The following MBIP variants were observed in gnomAD, a reference collection of about 807,000 sequenced individuals.
MBIP encodes MAP3K12 binding inhibitory protein 1.
A neutral mutation model predicts 45.7 loss-of-function variants in MBIP; 32 were observed. That is an observed-to-expected ratio of 0.70 (90% CI 0.53 to 0.94). The LOEUF (loss-of-function observed/expected upper bound fraction) is 0.94, where lower values mean the gene tolerates loss of function less well. Among genes scored for constraint, MBIP ranks in the 40% least tolerant of loss-of-function variants. The pLI, the probability that MBIP is intolerant of heterozygous loss-of-function variation, is 0.00. For missense variants in MBIP, 381 were observed against 405.5 expected (o/e 0.94, Z 0.52); for synonymous variants, 145 against 141.0 (o/e 1.03, Z -0.20).
rs1879342621 is a variant in MBIP at position 36,298,591 on chromosome 14, T to A, written c.*492A>T. On this transcript the variant is annotated 3_prime_UTR_variant, in exon 9 of 9. Transcript: ENST00000416007. ...AAGCTGGATCTATTGTTTATTTACA[T>A]GAATACTGACATCTTAAAGATTAAG... 6.5e-6 allele frequency: 1 copy of A among 153,726 alleles called. No homozygotes were observed. The highest frequency in any genetic ancestry group is 2.0e-4 in the South Asian group (1 of 4,924). 9.5% of individuals were successfully genotyped at this position (153,726 alleles called of 1,614,324 possible).
intron 2 of MBIP, among the ~76,000 whole-genome samples, 175 bp downstream of exon 2, chr14:36,316,518 T>G (rs1426511182): frequency 1.3e-5 from 2 of 152,214 alleles, no homozygotes; most frequent in African/African-American, 4.8e-5. Context: ...TATATTCCCT[T>G]AACTGTCCTG....
At chr14:36,314,645 T>C (rs756037339) in intron 3 of MBIP, 37 bp from the exon 4 acceptor site, 1 of 1,606,288 alleles carries the variant, frequency 6.2e-7, no homozygotes, top group Non-Finnish European at 8.5e-7. Flanking sequence ...AAACATAAGA[T>C]TTTTTAAAAT....
chr14:36,318,555 T>C (rs1880708064), intron 1 of MBIP, among the ~76,000 whole-genome samples: 1 of 151,990 alleles, frequency 6.6e-6, no homozygotes, highest in African/African-American at 2.4e-5. Context: ...ATAGACTATT[T>C]AAATATATAT....
chr14:36,301,507 G>T (rs1036530273), intron 7 of MBIP, among the ~76,000 whole-genome samples: 4 of 152,128 alleles, frequency 2.6e-5, no homozygotes, highest in African/African-American at 9.7e-5. Flanking sequence ...GGATACTGCC[G>T]TATTGGGTAA....
chr14:36,312,985 G>A lies in MBIP; in HGVS notation c.572-961C>T, dbSNP rs574414746. 7.2e-5 allele frequency among the ~76,000 whole-genome samples: 11 copies of A among 152,064 alleles called. 1 individual carries two copies. The highest frequency in any genetic ancestry group is 7.2e-4 in the Admixed American group (11 of 15,248). On this transcript the variant is annotated intron_variant, in intron 4 of 8. Coordinates refer to ENST00000416007, the MANE Select transcript of MBIP (RefSeq NM_016586.3). The stretch of plus-strand genomic sequence containing the variant: ...CACTGCTTATAGTTAGGTTAAATTT[G>A]TAGGTATTAAAAGGAACACACTAAC...
At chr14:36,310,709 C>G (rs1346412973) in intron 6 of MBIP, among the ~76,000 whole-genome samples, 1 of 152,058 alleles carries the variant, frequency 6.6e-6, no homozygotes, top group Non-Finnish European at 1.5e-5. Flanking sequence ...TAAGATTATA[C>G]AAAAGGTGAA....
intron 7 of MBIP, among the ~76,000 whole-genome samples, chr14:36,302,942 C>T (rs1359766890): frequency 1.3e-5 from 2 of 152,190 alleles, no homozygotes; most frequent in East Asian, 1.9e-4. Context: ...TGATACGATG[C>T]TCTCTTGTGA....
In MBIP at chr14:36,316,779, T is replaced by C. The variant is rs377276615; in HGVS notation, c.163A>G (p.Ile55Val). Residue 55 changes from isoleucine to valine, a missense_variant, in exon 2 of 9, where the codon ATC becomes GTC. Transcript: ENST00000416007. ...AGGCTCTGGAGCTTGTTCCAATCGA[T>C]TGTAATTTTCACCACATCATCTCTG... ...DLRDDVVKIT[I>V]DWNKLQSLSA... is the part of the protein sequence containing the mutation. 2.5e-6 allele frequency: 4 copies of C among 1,612,314 alleles called. No homozygotes were observed. In the African/African-American group the frequency reaches 4.0e-5, roughly 16 times the overall value.
rs776499627 is a variant in MBIP at position 36,316,820 on chromosome 14, G to C, written c.130-8C>G. ...ATCATCTCTGAGGTCAAGCTTCAAA[G>C]GGGCAAACCAGCAACATCACAAAAA... is the stretch of plus-strand genomic sequence containing the variant. On this transcript the variant is annotated splice_polypyrimidine_tract_variant and splice_region_variant and intron_variant, in intron 1 of 8. Coordinates refer to ENST00000416007, the MANE Select transcript of MBIP (RefSeq NM_016586.3). 1 of 1,595,440 alleles carries C rather than the reference G, an allele frequency of 6.3e-7. No individual in the cohort carries two copies. The highest frequency in any genetic ancestry group is 8.5e-7 in the Non-Finnish European group (1 of 1,173,294).
intron 7 of MBIP, among the ~76,000 whole-genome samples, chr14:36,306,906 T>C (rs1879913801): frequency 6.6e-6 from 1 of 152,212 alleles, no homozygotes; most frequent in African/African-American, 2.4e-5. Context: ...ACCAATACAT[T>C]TTCTAAAATT....
At chr14:36,318,132 T>C (rs1044270532) in intron 1 of MBIP, among the ~76,000 whole-genome samples, 2 of 152,088 alleles carry the variant, frequency 1.3e-5, no homozygotes, top group Non-Finnish European at 2.9e-5. Context: ...GACAACAACC[T>C]GTATTATGTA....
chr14:36,300,721 A>G, intron 8 of MBIP, 64 bp downstream of exon 8: 1 of 1,232,060 alleles, frequency 8.1e-7, no homozygotes, highest in Non-Finnish European at 1.1e-6. Context: ...AACTTTTATT[A>G]ATAAGAAAGG....
intron 6 of MBIP, among the ~76,000 whole-genome samples, 192 bp downstream of exon 6, chr14:36,311,381 C>T (rs1297266923): frequency 2.6e-5 from 4 of 152,014 alleles, no homozygotes; most frequent in Admixed American, 1.3e-4. Flanking sequence ...ACAGTGATAA[C>T]ACCACCACCA....
At chr14:36,308,631 T>C (rs1380547170) in intron 6 of MBIP, among the ~76,000 whole-genome samples, 1 of 152,222 alleles carries the variant, frequency 6.6e-6, no homozygotes, top group Non-Finnish European at 1.5e-5. Context: ...TCCTTTGACC[T>C]AAAAGAATGT....
Position 36,320,571 on chromosome 14 carries a change from C to A in MBIP, c.18G>T (p.Glu6Asp). The change falls in exon 1 of 9, where the codon GAG becomes GAT. Residue 6 changes from glutamate (E) to aspartate (D), a missense_variant. Physicochemically the swap from Glu to Asp is conservative, Grantham distance 45 (BLOSUM62 2). Transcript: ENST00000416007. ...TGTCACCGCTGCTCGGGCGATTAAG[C>A]TCCGTGGCAGCAGCCATGATATCTT... MAAATELNRPSSGDRN... is the reference protein window; with the variant it reads MAAATDLNRPSSGDRN... 6.2e-7 allele frequency: 1 copy of A among 1,610,774 alleles called. No individual in the cohort carries two copies. Among genetic ancestry groups the A allele is most frequent in the Non-Finnish European group, 8.5e-7 (1 of 1,178,430 alleles).
At chr14:36,314,367 C>G in intron 4 of MBIP, 145 bp downstream of exon 4, 1 of 569,998 alleles carries the variant, frequency 1.8e-6, no homozygotes, top group Non-Finnish European at 3.0e-6. Flanking sequence ...CAGAAGGAAA[C>G]TCTACTGTCT....
intron 6 of MBIP, among the ~76,000 whole-genome samples, chr14:36,309,503 T>C (rs1232670718): frequency 6.6e-6 from 1 of 152,226 alleles, no homozygotes. Context: ...AATACATGAT[T>C]AGCCAATCAT....
Position 36,320,499 on chromosome 14 carries a change from G to A in MBIP, c.90C>T (p.Leu30=), listed in dbSNP as rs758924297. The part of the protein sequence containing the change: ...RCRPNLSREV[L]YEIFRSLHTL... ...TGTGTAGGGAGCGAAAGATTTCGTA[G>A]AGCACCTCTCGGGAGAGGTTGGGTC... The change falls in exon 1 of 9, where the codon CTC becomes CTT. Residue 30 remains leucine (L), a synonymous_variant. Transcript: ENST00000416007. The A allele has an allele frequency of 1.2e-6, 2 of 1,613,926 alleles. No individual in the cohort carries two copies. The highest frequency in any genetic ancestry group is 1.7e-5 in the Admixed American group (1 of 60,000).
At chr14:36,300,860 C>T in intron 7 of MBIP, 37 bp from the exon 8 acceptor site, 4 of 1,264,474 alleles carry the variant, frequency 3.2e-6, no homozygotes, top group Non-Finnish European at 4.4e-6. Flanking sequence ...TTAGAAAAAT[C>T]TAAGCATCAT....
Sources: allele counts gnomAD v4.1 joint callset (sites outside exome capture counted in the v4.1 genomes callset), GRCh38; gene constraint gnomAD v4.1.1; transcripts MANE v1.5; gene names NCBI Gene and HGNC (gene_info 2026-07-23, HGNC 2026-07-21).